Variants in RBFOX1 observed in about 807,000 individuals in gnomAD.
The protein encoded by RBFOX1 is RNA binding protein fox-1 homolog 1.
RBFOX1 carries 8 observed loss-of-function variants against 57.7 expected under a neutral mutation model. The ratio of observed to expected loss-of-function variants is 0.14; its 90% CI spans 0.08 to 0.25. The LOEUF is 0.25. Among genes scored for constraint, RBFOX1 ranks in the 10% least tolerant of loss-of-function variants. RBFOX1 has a pLI of 1.00. For missense variants in RBFOX1, 611 were observed against 548.5 expected (o/e 1.11, Z -1.14); for synonymous variants, 326 against 222.4 (o/e 1.47, Z -4.15).
intron 2 of RBFOX1, among the ~76,000 whole-genome samples, chr16:6,614,750 C>A (rs1020057468): frequency 6.6e-6 from 1 of 152,124 alleles, no homozygotes; most frequent in Non-Finnish European, 1.5e-5. Flanking sequence ...TGGCATTTTC[C>A]ATCTGTCTCT....
At chr16:6,012,999 A>C (rs1303455637) in intron 4 of RBFOX1, among the ~76,000 whole-genome samples, 1 of 152,222 alleles carries the variant, frequency 6.6e-6, no homozygotes, top group African/African-American at 2.4e-5. Context: ...GGAGATGGGA[A>C]TCAACTGCAC....
At chr16:7,015,734 C>T (rs1300646467) in intron 3 of RBFOX1, among the ~76,000 whole-genome samples, 1 of 151,908 alleles carries the variant, frequency 6.6e-6, no homozygotes, top group South Asian at 2.1e-4. Context: ...ATTCCATTCC[C>T]AATAATTCAT....
At chr16:7,307,963 T>C (rs568689458) in intron 4 of RBFOX1, among the ~76,000 whole-genome samples, 5 of 152,200 alleles carry the variant, frequency 3.3e-5, no homozygotes, top group Non-Finnish European at 7.4e-5. Context: ...TCCCCAATAC[T>C]TAATCTTCCA....
chr16:6,368,237 A>G (rs1567134510), intron 2 of RBFOX1, among the ~76,000 whole-genome samples: 2 of 152,198 alleles, frequency 1.3e-5, no homozygotes, highest in Admixed American at 1.3e-4. Flanking sequence ...TCTCACAGCT[A>G]GCTGGATCTC....
chr16:7,037,478 A>T (rs1259388275), intron 3 of RBFOX1, among the ~76,000 whole-genome samples: 1 of 152,060 alleles, frequency 6.6e-6, no homozygotes, highest in African/African-American at 2.4e-5. Context: ...GACAATTGTG[A>T]TGCTGTCTGC....
rs2059599305 is a variant in RBFOX1 at position 5,955,118 on chromosome 16, T to TTAAAAAAAAAAAA, written c.351+87783_351+87784insTAAAAAAAAAAAA. Among the ~76,000 whole-genome samples the TTAAAAAAAAAAAA allele has an allele frequency of 2.6e-3, 37 of 14,292 alleles. 7 individuals are homozygous for TTAAAAAAAAAAAA. The highest frequency in any genetic ancestry group is 0.013 in the African/African-American group (35 of 2,798). The allele number at this position is 14,292 out of a possible 152,430, so 9.4% of individuals were successfully genotyped here. A position where few individuals can be genotyped will look rare whatever the true frequency, so the allele number is the denominator to read the frequency against. ...CAACAGGGTGAAACTCCATCTCTAC[T>TTAAAAAAAAAAAA]AAAAAAAAAAAAAAAAAAAAAAAAA... On this transcript the variant is annotated intron_variant, in intron 4 of 19. Coordinates refer to the RBFOX1 transcript ENST00000641259.
At chr16:5,524,827 C>T (rs1261469113) in intron 2 of RBFOX1, among the ~76,000 whole-genome samples, 3 of 152,130 alleles carry the variant, frequency 2.0e-5, no homozygotes, top group African/African-American at 4.8e-5. Context: ...AGGCGTGAGA[C>T]ACCGCACCCG....
intron 14 of RBFOX1, among the ~76,000 whole-genome samples, chr16:7,682,646 G>A (rs1174490119): frequency 6.6e-6 from 1 of 150,936 alleles, no homozygotes; most frequent in Non-Finnish European, 1.5e-5. Flanking sequence ...GTTGTAATAA[G>A]AATGTAGCAG....
chr16:6,535,098 C>T (rs2096717077), intron 2 of RBFOX1, among the ~76,000 whole-genome samples: 1 of 152,178 alleles, frequency 6.6e-6, no homozygotes, highest in African/African-American at 2.4e-5. Flanking sequence ...GATGAGATTC[C>T]ATGGGAACAA....
chr16:7,155,712 A>AAATAT (rs1195367029), intron 4 of RBFOX1, among the ~76,000 whole-genome samples: 13 of 77,408 alleles, frequency 1.7e-4, no homozygotes, highest in African/African-American at 8.7e-4. Flanking sequence ...AAAAAAAAAA[A>AAATAT]ATATATATAT....
At chr16:6,438,027 C>A (rs535655511) in intron 2 of RBFOX1, among the ~76,000 whole-genome samples, 1 of 152,274 alleles carries the variant, frequency 6.6e-6, no homozygotes, top group African/African-American at 2.4e-5. Context: ...GAAAGAGTAG[C>A]TGGATTTCAT....
intron 3 of RBFOX1, among the ~76,000 whole-genome samples, chr16:6,768,162 A>G (rs1206317348): frequency 6.6e-6 from 1 of 151,948 alleles, no homozygotes; most frequent in Non-Finnish European, 1.5e-5. Context: ...GTAACACTGC[A>G]CTTCAGCCTG....
chr16:7,038,339 A>G (rs1348822835), intron 3 of RBFOX1, among the ~76,000 whole-genome samples: 1 of 152,146 alleles, frequency 6.6e-6, no homozygotes, highest in Non-Finnish European at 1.5e-5. Context: ...CTTGATCATG[A>G]GGGAAAGAAA....
upstream of RBFOX1, chr16:6,018,969 G>A: frequency 6.1e-6 from 3 of 489,826 alleles, no homozygotes; most frequent in Non-Finnish European, 7.9e-6. Flanking sequence ...ACGCGTGACC[G>A]CGGCGGCGGC....
In RBFOX1 at chr16:6,086,121, G is replaced by A. The variant is rs185311789; in HGVS notation, c.-127+66129G>A. Among the ~76,000 whole-genome samples, 552 of 152,220 alleles carry A rather than the reference G, an allele frequency of 3.6e-3. 2 individuals are homozygous for A. The highest frequency in any genetic ancestry group is 0.012 in the African/African-American group (487 of 41,532). Reference sequence around the variant, plus strand: ...AGTTTTCTGAGGACGGTGGCTCCCAGCTTCATCCATGTCCTTGCAAAGGAC... The same window carrying A: ...AGTTTTCTGAGGACGGTGGCTCCCAACTTCATCCATGTCCTTGCAAAGGAC... On this transcript the variant is annotated intron_variant, in intron 1 of 15. Transcript: ENST00000550418.
chr16:5,298,448 TCC>T (rs2063721917), intron 1 of RBFOX1, among the ~76,000 whole-genome samples: 1 of 23,846 alleles, frequency 4.2e-5, no homozygotes, highest in South Asian at 2.0e-3. Flanking sequence ...TCCCCTCCCC[TCC>T]CCTCCTTTCC....
intron 1 of RBFOX1, among the ~76,000 whole-genome samples, chr16:5,401,827 G>C (rs1221733443): frequency 1.4e-5 from 2 of 145,348 alleles, no homozygotes; most frequent in Admixed American, 1.4e-4. Context: ...TCGTGCTGCT[G>C]CTTCCTCATC....
intron 10 of RBFOX1, among the ~76,000 whole-genome samples, chr16:7,625,226 C>A (rs1304248636): frequency 6.6e-6 from 1 of 152,042 alleles, no homozygotes; most frequent in Non-Finnish European, 1.5e-5. Flanking sequence ...TTAAACTGGG[C>A]ACAGGTGGTG....
intron 2 of RBFOX1, among the ~76,000 whole-genome samples, chr16:6,649,036 A>G (rs2098555684): frequency 2.0e-5 from 3 of 152,188 alleles, no homozygotes; most frequent in East Asian, 1.9e-4. Context: ...ACCATGTTGT[A>G]TAATATTTTA....
Sources: gnomAD v4.1 joint callset for allele counts (sites outside exome capture counted in the v4.1 genomes callset) on GRCh38, gnomAD v4.1.1 for gene constraint, MANE v1.5 for transcripts, NCBI Gene and HGNC (gene_info 2026-07-23, HGNC 2026-07-21) for gene names.